The following RRBP1 variants were observed in gnomAD, a reference collection of about 807,000 sequenced individuals.
RRBP1 encodes ribosome-binding protein 1.
In RRBP1, 94 loss-of-function variants were observed where a neutral mutation model predicts 165.2. The observed-to-expected ratio is 0.57, with a 90% CI of 0.48 to 0.68. RRBP1 has a LOEUF of 0.68. Among genes scored for constraint, RRBP1 ranks in the 30% least tolerant of loss-of-function variants. The pLI, the probability that RRBP1 is intolerant of heterozygous loss-of-function variation, is 0.00. For synonymous variants in RRBP1, 680 were observed against 714.5 expected (o/e 0.95, Z 0.77); for missense variants, 1,676 against 1,763.0 (o/e 0.95, Z 0.88).
In RRBP1 at chr20:17,636,740, A is replaced by C; in HGVS notation, c.2185-11T>G. 1.2e-6 allele frequency: 2 copies of C among 1,612,358 alleles called. No individual in the cohort carries two copies. Among genetic ancestry groups the C allele is most frequent in the Non-Finnish European group, 1.7e-6 (2 of 1,179,992 alleles). On this transcript the variant is annotated splice_polypyrimidine_tract_variant and intron_variant, in intron 5 of 24. Coordinates refer to ENST00000377813, the MANE Select transcript of RRBP1 (RefSeq NM_001365613.2). The stretch of plus-strand genomic sequence containing the variant: ...TTCTGCTGCCATCTCCTGGGGGGAA[A>C]GTAGCAGAGAGAGGGGCTGGTAAGC...
chr20:17,624,952 G>A (rs576996122), intron 12 of RRBP1, among the ~76,000 whole-genome samples: 1 of 152,334 alleles, frequency 6.6e-6, no homozygotes, highest in South Asian at 2.1e-4. Context: ...GCCAGCCTGT[G>A]TCCTCAAAGG....
chr20:17,645,786 A>C (rs551713964), intron 3 of RRBP1, among the ~76,000 whole-genome samples: 1 of 152,338 alleles, frequency 6.6e-6, no homozygotes, highest in South Asian at 2.1e-4. Flanking sequence ...TAACGCACTA[A>C]ACTAAGTCTC....
rs749675350 is a variant in RRBP1 at position 17,641,874 on chromosome 20, C to T, written c.2107G>A (p.Glu703Lys). Residue 703 changes from glutamate (E) to lysine (K), a missense_variant, in exon 5 of 25, where the codon GAA becomes AAA. Transcript: ENST00000377813. ...DPVAILKRQL[E>K]EKEKLLATEQ... ...GTGGCCAGCAGTTTTTCCTTCTCTT[C>T]CAGCTGGCGTTTCAGAATCGCCACA... is the stretch of plus-strand genomic sequence containing the variant. The T allele has an allele frequency of 1.7e-5, 28 of 1,614,020 alleles. No homozygotes were observed. Among genetic ancestry groups the T allele is most frequent in the East Asian group, 6.7e-5 (3 of 44,896 alleles).
Position 17,641,894 on chromosome 20 carries a change from G to A in RRBP1, c.2087C>T (p.Ala696Val), listed in dbSNP as rs760192733. Residue 696 changes from alanine (A) to valine (V), a missense_variant, in exon 5 of 25, where the codon GCG becomes GTG. By Grantham distance (64) the Ala-to-Val change is moderately conservative. Around this residue, in one of 5 missense-constraint regions of RRBP1, gnomAD observed 1,184 missense variants for 1,167.1 expected, o/e 1.01. Transcript: ENST00000377813. ...HKATQKGDPV[A>V]ILKRQLEEKE... is the part of the protein sequence containing the mutation. ...CTCTTCCAGCTGGCGTTTCAGAATC[G>A]CCACAGGGTCACCCTTCTGAGTGGC... The A allele has an allele frequency of 8.7e-6, 14 of 1,613,856 alleles. No homozygotes were observed. Among genetic ancestry groups the A allele is most frequent in the South Asian group, 1.1e-5 (1 of 91,080 alleles).
intron 22 of RRBP1, 37 bp downstream of exon 22, chr20:17,615,889 G>A: frequency 1.3e-6 from 2 of 1,560,812 alleles, no homozygotes; most frequent in Non-Finnish European, 1.8e-6. Context: ...GGGCCCAGGG[G>A]CTGATGGGGG....
At chr20:17,670,231 G>T (rs984632578) in intron 2 of RRBP1, among the ~76,000 whole-genome samples, 1 of 151,916 alleles carries the variant, frequency 6.6e-6, no homozygotes, top group Admixed American at 6.6e-5. Flanking sequence ...ATTTTTAAAC[G>T]TTAAACCAAG....
rs182365076 is a variant in RRBP1 at position 17,646,635 on chromosome 20, C to T, written c.1913-3508G>A. On this transcript the variant is annotated intron_variant, in intron 3 of 24. Transcript: ENST00000377813. Reference sequence around the variant, plus strand: ...CGCACAGCAAAATAAATCAGCATGGCCGGCCTTCAAGCAGCTCACAGCAGC... The same window carrying T: ...CGCACAGCAAAATAAATCAGCATGGTCGGCCTTCAAGCAGCTCACAGCAGC... Among the ~76,000 whole-genome samples the T allele has an allele frequency of 2.6e-5, 4 of 152,322 alleles. No homozygotes were observed. The East Asian group carries it at 7.7e-4, about 29-fold the overall frequency.
chr20:17,618,941 A>G (rs2035855087), intron 19 of RRBP1: 1 of 461,730 alleles, frequency 2.2e-6, no homozygotes, highest in Non-Finnish European at 4.0e-6. Flanking sequence ...CTGGCAAAAA[A>G]GGGCCAAAAG....
chr20:17,627,231 G>A, intron 11 of RRBP1, 117 bp downstream of exon 11: 1 of 1,002,954 alleles, frequency 1.0e-6, no homozygotes, highest in Non-Finnish European at 1.5e-6. Flanking sequence ...GGGAGCCTCT[G>A]AAAGGGGCTC....
intron 3 of RRBP1, among the ~76,000 whole-genome samples, chr20:17,645,594 T>C (rs1285700234): frequency 6.6e-6 from 1 of 152,098 alleles, no homozygotes; most frequent in Non-Finnish European, 1.5e-5. Flanking sequence ...TGTCCCCAAA[T>C]CAAGGGCAGC....
intron 8 of RRBP1, among the ~76,000 whole-genome samples, chr20:17,630,801 A>G (rs1381648842): frequency 1.3e-5 from 2 of 152,236 alleles, no homozygotes; most frequent in African/African-American, 4.8e-5. Flanking sequence ...AGAACCAGGT[A>G]AGAGGGGCAT....
rs930398930 is a variant in RRBP1 at position 17,627,765 on chromosome 20, A to G, written c.2750-83T>C. On this transcript the variant is annotated intron_variant, in intron 9 of 24. Coordinates refer to ENST00000377813, the MANE Select transcript of RRBP1 (RefSeq NM_001365613.2). ...AGGATGCCCTCACTGCTGCCCTCTT[A>G]GCACATGTGGGGCACCGAGGGCTTC... is the stretch of plus-strand genomic sequence containing the variant. The G allele has an allele frequency of 3.6e-6, 5 of 1,377,056 alleles. No individual in the cohort carries two copies. In the South Asian group the frequency reaches 4.5e-5, roughly 12 times the overall value. The allele number at this position is 1,377,056 out of a possible 1,614,324, so 85.3% of individuals were successfully genotyped here.
chr20:17,613,886 G>A lies in RRBP1; in HGVS notation c.*296C>T, dbSNP rs1013318093. ...CTGACAGACAGACCCCAGAGCGCCC[G>A]GCCTCCCACACACCCACGGGGCTGT... On this transcript the variant is annotated 3_prime_UTR_variant, in exon 25 of 25. Transcript: ENST00000377813. 1.7e-5 allele frequency: 5 copies of A among 286,046 alleles called. No homozygotes were observed. Among genetic ancestry groups the A allele is most frequent in the Admixed American group, 4.6e-5 (1 of 21,554 alleles). The allele number at this position is 286,046 out of a possible 1,614,324, so 17.7% of individuals were successfully genotyped here.
rs566098133 is a variant in RRBP1 at position 17,616,757 on chromosome 20, G to A, written c.3842C>T (p.Pro1281Leu). The A allele has an allele frequency of 1.2e-6, 2 of 1,611,774 alleles. No individual in the cohort carries two copies. The highest frequency in any genetic ancestry group is 4.5e-5 in the East Asian group (2 of 44,810). ...CTGAACGGGGTCCTGCTCGGCTGGG[G>A]GCGCCTCTGGGGAGGAAGCTGGGGC... ...AGAPASSPEAPPAEQDPVQLK... is the reference protein window; with the variant it reads ...AGAPASSPEALPAEQDPVQLK... The change falls in exon 21 of 25, where the codon CCC (proline) becomes CTC (leucine). Residue 1281 changes from proline (P) to leucine (L), a missense_variant. Pro to Leu is a moderately conservative substitution (Grantham distance 98). Around this residue, in one of 5 missense-constraint regions of RRBP1, gnomAD observed 1,184 missense variants for 1,167.1 expected, o/e 1.01. Coordinates refer to ENST00000377813, the MANE Select transcript of RRBP1 (RefSeq NM_001365613.2).
At position 17,641,827 on chromosome 20, in the gene RRBP1, G is replaced by A. The variant is rs555483618; in HGVS notation, c.2154C>T (p.Val718=). 164 of 1,613,538 alleles carry A rather than the reference G, an allele frequency of 1.0e-4. No individual in the cohort carries two copies. The highest frequency in any genetic ancestry group is 1.3e-4 in the Non-Finnish European group (155 of 1,180,014). ...LLATEQEDAA[V]AKSKLRELNK... is the part of the protein sequence containing the mutation. ...TGAGCTCCCTCAGTTTGCTCTTGGC[G>A]ACAGCCGCATCTTCCTGTTCTGTGG... Residue 718 remains valine, a synonymous_variant, in exon 5 of 25, where the codon GTC becomes GTT. Transcript: ENST00000377813.
chr20:17,655,001 C>A (rs2036622815), intron 3 of RRBP1, among the ~76,000 whole-genome samples: 1 of 152,222 alleles, frequency 6.6e-6, no homozygotes, highest in African/African-American at 2.4e-5. Context: ...AATTTTATCT[C>A]TCTAAAATAA....
At chr20:17,629,655 G>A (rs1265077539) in intron 9 of RRBP1, among the ~76,000 whole-genome samples, 168 bp downstream of exon 9, 1 of 151,896 alleles carries the variant, frequency 6.6e-6, no homozygotes, top group Non-Finnish European at 1.5e-5. Context: ...GCCCCTGACT[G>A]GGCATAATCC....
rs372168273 is a variant in RRBP1, at chr20:17,658,578, A to G, written c.1912+18T>C. The G allele has an allele frequency of 1.9e-4, 305 of 1,565,620 alleles. No individual in the cohort carries two copies. The highest frequency in any genetic ancestry group is 2.5e-4 in the Non-Finnish European group (285 of 1,158,934). On this transcript the variant is annotated intron_variant, in intron 3 of 24. Coordinates refer to ENST00000377813, the MANE Select transcript of RRBP1 (RefSeq NM_001365613.2). ...GACAGCCTTTCCTTCTAAGTTCATA[A>G]AGAAATCAGTTACTTACCAGGCTCA... is the stretch of plus-strand genomic sequence containing the variant.
At chr20:17,669,267 G>A (rs1033858059) in intron 2 of RRBP1, among the ~76,000 whole-genome samples, 4 of 152,138 alleles carry the variant, frequency 2.6e-5, no homozygotes, top group African/African-American at 9.7e-5. Flanking sequence ...ACAATTTCTG[G>A]TGTCTTTCCA....
Sources: allele counts gnomAD v4.1 joint callset (sites outside exome capture counted in the v4.1 genomes callset), GRCh38; gene constraint gnomAD v4.1.1; regional missense constraint gnomAD v4.1.1; transcripts MANE v1.5; gene names NCBI Gene and HGNC (gene_info 2026-07-23, HGNC 2026-07-21).